Variants in LRBA observed in about 807,000 individuals in gnomAD.
LRBA encodes LPS responsive beige-like anchor protein.
Under a neutral mutation model 330.0 loss-of-function variants are expected in LRBA, and 176 were observed. That is an observed-to-expected ratio of 0.53 (90% CI 0.47 to 0.60). LRBA has a LOEUF of 0.60. Ranked by LOEUF, LRBA falls within the 20% of genes least tolerant of loss-of-function variation. LRBA has a pLI of 0.00. For synonymous variants in LRBA, 1,230 were observed against 1,193.0 expected, an observed-to-expected ratio of 1.03 and a Z score of -0.64; for missense variants, 3,259 against 3,444.8, an observed-to-expected ratio of 0.95 and a Z score of 1.35.
At chr4:150,928,789 A>C in intron 3 of LRBA, 45 bp downstream of exon 3, 1 of 1,490,672 alleles carries the variant, frequency 6.7e-7, no homozygotes, top group South Asian at 1.2e-5. Flanking sequence ...TTTGAAAATC[A>C]AACTTTATTT....
chr4:150,537,920 A>C (rs376290351), intron 40 of LRBA, among the ~76,000 whole-genome samples: 1 of 152,272 alleles, frequency 6.6e-6, no homozygotes, highest in East Asian at 1.9e-4. Flanking sequence ...ACACCACTGC[A>C]CTGCAGCCTG....
chr4:150,570,259 G>T (rs1769670788), intron 40 of LRBA, among the ~76,000 whole-genome samples: 1 of 152,024 alleles, frequency 6.6e-6, no homozygotes. Flanking sequence ...GAGAACAATA[G>T]GGGGCTAAAA....
At chr4:150,457,690 T>C (rs1581375698) in intron 44 of LRBA, among the ~76,000 whole-genome samples, 1 of 152,006 alleles carries the variant, frequency 6.6e-6, no homozygotes, top group East Asian at 1.9e-4. Context: ...ATCAGGAGGA[T>C]AGTTACTACT....
At chr4:150,323,404 T>G (rs889368432) in intron 49 of LRBA, among the ~76,000 whole-genome samples, 1 of 152,218 alleles carries the variant, frequency 6.6e-6, no homozygotes, top group African/African-American at 2.4e-5. Context: ...TTTCTGAGCT[T>G]AACAGCTCAT....
intron 2 of LRBA, among the ~76,000 whole-genome samples, chr4:150,942,140 AC>A (rs918171683): frequency 6.6e-6 from 1 of 152,228 alleles, no homozygotes; most frequent in South Asian, 2.1e-4. Flanking sequence ...ATTATCAGGT[AC>A]TAGAAATCAA....
At chr4:150,300,936 C>T (rs1169716752) in intron 53 of LRBA, among the ~76,000 whole-genome samples, 1 of 151,928 alleles carries the variant, frequency 6.6e-6, no homozygotes, top group Non-Finnish European at 1.5e-5. Context: ...TAAAATAAAA[C>T]AAGAAACCAA....
At chr4:150,913,677 A>G (rs1732263057) in intron 9 of LRBA, among the ~76,000 whole-genome samples, 1 of 152,202 alleles carries the variant, frequency 6.6e-6, no homozygotes, top group Non-Finnish European at 1.5e-5. Context: ...TTTTAATTCT[A>G]TCAAAGTTTG....
chr4:150,688,762 T>C (rs1469913607), intron 36 of LRBA, among the ~76,000 whole-genome samples: 1 of 152,066 alleles, frequency 6.6e-6, no homozygotes, highest in African/African-American at 2.4e-5. Context: ...TACCATCTCA[T>C]GCCAGTTAGA....
Position 150,849,502 on chromosome 4 carries a change from G to C in LRBA, c.4078C>G (p.Leu1360Val), listed in dbSNP as rs371648570. The C allele has an allele frequency of 1.9e-6, 3 of 1,613,068 alleles. No individual in the cohort carries two copies. The highest frequency in any genetic ancestry group is 2.5e-6 in the Non-Finnish European group (3 of 1,179,016). The change falls in exon 25 of 57, where the codon CTC (leucine) becomes GTC (valine). Residue 1360 changes from leucine to valine, a missense_variant. Coordinates refer to ENST00000651943, the MANE Select transcript of LRBA (RefSeq NM_001364905.1). The part of the protein sequence containing the change: ...NVIFVHNTIH[L>V]ISQVMDNMVM... ...ATATTGTCCATCACTTGAGAGATGA[G>C]ATGAATTGTGTTGTGTACAAAGATG...
At chr4:150,911,250 T>C (rs971951325) in intron 9 of LRBA, among the ~76,000 whole-genome samples, 2 of 152,204 alleles carry the variant, frequency 1.3e-5, no homozygotes, top group Non-Finnish European at 2.9e-5. Context: ...ATAAGCATCC[T>C]TGCTTTGTTC....
At chr4:150,609,528 T>G (rs1581804773) in intron 37 of LRBA, among the ~76,000 whole-genome samples, 1 of 152,210 alleles carries the variant, frequency 6.6e-6, no homozygotes, top group East Asian at 1.9e-4. Flanking sequence ...GATATTATAC[T>G]TCTTCATAAT....
At chr4:150,895,978 T>C (rs16998827) in intron 16 of LRBA, among the ~76,000 whole-genome samples, 4,161 of 152,308 alleles carry the variant, frequency 0.027, 171 homozygotes, top group African/African-American at 0.095. Flanking sequence ...AAACACATAA[T>C]TTTAAATACC....
At chr4:151,005,437 CAAAAAAAAAAAAAAAA>C (rs70941465) in intron 2 of LRBA, among the ~76,000 whole-genome samples, 1 of 60,576 alleles carries the variant, frequency 1.7e-5, no homozygotes, top group East Asian at 6.0e-4. Flanking sequence ...GACTCCAACT[CAAAAAAAAAAAAAAAA>C]AAAAAAAAAA....
intron 46 of LRBA, among the ~76,000 whole-genome samples, chr4:150,432,328 A>C (rs1277049864): frequency 6.6e-6 from 1 of 152,036 alleles, no homozygotes; most frequent in Non-Finnish European, 1.5e-5. Context: ...TATTTCTAGG[A>C]ACTCCAGCAA....
intron 36 of LRBA, among the ~76,000 whole-genome samples, chr4:150,715,119 C>T (rs925334380): frequency 1.3e-5 from 2 of 152,196 alleles, no homozygotes; most frequent in African/African-American, 2.4e-5. Flanking sequence ...CGTTGCCTCA[C>T]TTTCTCCCAA....
rs1013828866 is a variant in LRBA, at chr4:150,282,438, C to A, written c.8316+12G>T. On this transcript the variant is annotated intron_variant, in intron 55 of 56. Coordinates refer to ENST00000651943, the MANE Select transcript of LRBA (RefSeq NM_001364905.1). ...AAAGTCGTGAATGCTGAAGAGTCCC[C>A]AGGGCACTCACTCTTATGTTATCAT... The A allele has an allele frequency of 6.2e-7, 1 of 1,611,888 alleles. No homozygotes were observed. The highest frequency in any genetic ancestry group is 8.5e-7 in the Non-Finnish European group (1 of 1,178,766).
chr4:150,974,658 A>G (rs76949173), intron 2 of LRBA, among the ~76,000 whole-genome samples: 2 of 152,258 alleles, frequency 1.3e-5, no homozygotes, highest in East Asian at 3.8e-4. Flanking sequence ...CGCTGGCTAC[A>G]GTGCTGACAG....
intron 32 of LRBA, among the ~76,000 whole-genome samples, chr4:150,807,752 T>C (rs959925617): frequency 3.6e-4 from 54 of 152,000 alleles, no homozygotes; most frequent in African/African-American, 1.3e-3. Context: ...TTCAAGTGAT[T>C]CTCCTGCCTC....
At chr4:150,924,721 A>G (rs1733701239) in intron 4 of LRBA, among the ~76,000 whole-genome samples, 1 of 152,238 alleles carries the variant, frequency 6.6e-6, no homozygotes, top group South Asian at 2.1e-4. Context: ...CTAATATTAA[A>G]TAACTAAATA....
Sources: gnomAD v4.1 joint callset for allele counts (sites outside exome capture counted in the v4.1 genomes callset) on GRCh38, gnomAD v4.1.1 for gene constraint, MANE v1.5 for transcripts, NCBI Gene and HGNC (gene_info 2026-07-23, HGNC 2026-07-21) for gene names.